The following CHSY3 variants were observed in gnomAD, a reference collection of about 807,000 sequenced individuals.
CHSY3 encodes the protein N-acetylgalactosaminyl-proteoglycan 3-beta-glucuronosyltransferase 3.
Under a neutral mutation model 67.2 loss-of-function variants are expected in CHSY3, and 35 were observed. The ratio of observed to expected loss-of-function variants is 0.52; its 90% CI spans 0.40 to 0.69. The LOEUF is 0.69. Among genes scored for constraint, CHSY3 ranks in the 30% least tolerant of loss-of-function variants. The pLI, the probability that CHSY3 is intolerant of heterozygous loss-of-function variation, is 0.00. For synonymous variants in CHSY3, 474 were observed against 434.7 expected, an observed-to-expected ratio of 1.09 and a Z score of -1.12; for missense variants, 1,069 against 1,138.5, an observed-to-expected ratio of 0.94 and a Z score of 0.88.
chr5:129,953,807 C>T (rs1000657694), intron 2 of CHSY3, among the ~76,000 whole-genome samples: 1 of 152,114 alleles, frequency 6.6e-6, no homozygotes, highest in Admixed American at 6.6e-5. Context: ...ATATCCTTCT[C>T]CCACTTTTTG....
intron 2 of CHSY3, among the ~76,000 whole-genome samples, chr5:130,089,426 C>T (rs1766798814): frequency 6.6e-6 from 1 of 151,552 alleles, no homozygotes; most frequent in South Asian, 2.1e-4. Flanking sequence ...AGTACAGAAA[C>T]TTCATTTTAA....
At chr5:130,182,695 TC>T (rs1325864337) in intron 2 of CHSY3, among the ~76,000 whole-genome samples, 1 of 152,078 alleles carries the variant, frequency 6.6e-6, no homozygotes, top group Non-Finnish European at 1.5e-5. Context: ...TTTACTTTTT[TC>T]CCTTATATGA....
chr5:129,986,139 T>G (rs1372548481), intron 2 of CHSY3, among the ~76,000 whole-genome samples: 1 of 152,196 alleles, frequency 6.6e-6, no homozygotes, highest in Non-Finnish European at 1.5e-5. Context: ...TTTTGCCCAT[T>G]CAGTATGCTG....
rs191116747 is a variant in CHSY3 at position 129,970,371 on chromosome 5, G to A, written c.1086+62011G>A. The stretch of plus-strand genomic sequence containing the variant: ...GGGTAGATGGATGGATGGATGCATG[G>A]GTAAATGGGGTGGACAGAGGAACAG... On this transcript the variant is annotated intron_variant, in intron 2 of 2. Transcript: ENST00000305031. 2.6e-5 allele frequency among the ~76,000 whole-genome samples: 4 copies of A among 150,950 alleles called. No homozygotes were observed. In the Admixed American group the frequency reaches 2.7e-4, roughly 10 times the overall value.
intron 2 of CHSY3, among the ~76,000 whole-genome samples, chr5:129,930,295 C>A (rs1401935009): frequency 1.3e-5 from 2 of 149,828 alleles, no homozygotes; most frequent in Admixed American, 6.7e-5. Context: ...GTCTCGCCAC[C>A]GCACTACAGC....
intron 2 of CHSY3, among the ~76,000 whole-genome samples, chr5:130,121,852 C>A (rs1345059683): frequency 6.6e-6 from 1 of 152,044 alleles, no homozygotes; most frequent in Admixed American, 6.6e-5. Context: ...GAGGATGAGG[C>A]TGGGCATAAT....
chr5:130,128,416 C>T (rs1310127797), intron 2 of CHSY3, among the ~76,000 whole-genome samples: 1 of 151,718 alleles, frequency 6.6e-6, no homozygotes, highest in African/African-American at 2.4e-5. Flanking sequence ...GTGAAATAAG[C>T]CAGACACAAA....
chr5:130,121,993 C>T (rs1443821239), intron 2 of CHSY3, among the ~76,000 whole-genome samples: 1 of 152,050 alleles, frequency 6.6e-6, no homozygotes, highest in Non-Finnish European at 1.5e-5. Context: ...TTATTGAGTG[C>T]TTACTTTGTG....
At chr5:129,998,350 C>G (rs1763611375) in intron 2 of CHSY3, among the ~76,000 whole-genome samples, 1 of 152,138 alleles carries the variant, frequency 6.6e-6, no homozygotes, top group South Asian at 2.1e-4. Context: ...TACTGTTTCA[C>G]TGTAAGGATA....
intron 2 of CHSY3, chr5:130,141,884 G>T (rs1768878471): frequency 8.0e-6 from 2 of 250,032 alleles, no homozygotes; most frequent in South Asian, 4.4e-5. Context: ...ATGCCTGGGG[G>T]ATTCCCTGAT....
intron 2 of CHSY3, among the ~76,000 whole-genome samples, chr5:130,020,284 G>T (rs186160203): frequency 1.4e-4 from 21 of 151,696 alleles, no homozygotes; most frequent in African/African-American, 4.8e-4. Context: ...AGCAGGGTGT[G>T]GTGGCTGGTG....
chr5:130,016,212 T>G (rs1463412004), intron 2 of CHSY3, among the ~76,000 whole-genome samples: 1 of 152,164 alleles, frequency 6.6e-6, no homozygotes, highest in Non-Finnish European at 1.5e-5. Flanking sequence ...AATCTGCATA[T>G]GTATAAAATT....
rs1760160526 is a variant in CHSY3, at chr5:129,904,646, C to T, written c.-184C>T. Reference sequence around the variant, plus strand: ...CAGAGCTGAGCGGGAGCCCGGCAGGCAGCTGCAGCCCGCGGCAGTCGAGGC... The same window carrying T: ...CAGAGCTGAGCGGGAGCCCGGCAGGTAGCTGCAGCCCGCGGCAGTCGAGGC... On this transcript the variant is annotated 5_prime_UTR_variant, in exon 1 of 3. Coordinates refer to ENST00000305031, the MANE Select transcript of CHSY3 (RefSeq NM_175856.5). 2.1e-6 allele frequency: 2 copies of T among 965,306 alleles called. No individual in the cohort carries two copies. The highest frequency in any genetic ancestry group is 2.7e-6 in the Non-Finnish European group (2 of 754,438). 59.8% of individuals were successfully genotyped at this position (965,306 alleles called of 1,614,324 possible).
intron 2 of CHSY3, among the ~76,000 whole-genome samples, chr5:130,055,005 G>C (rs1225170237): frequency 6.6e-6 from 1 of 152,120 alleles, no homozygotes. Flanking sequence ...TGGTCCAAGT[G>C]TATGTATGGA....
intron 2 of CHSY3, among the ~76,000 whole-genome samples, chr5:129,997,904 T>TA (rs1408549768): frequency 6.6e-6 from 1 of 152,240 alleles, no homozygotes; most frequent in Non-Finnish European, 1.5e-5. Context: ...TAATCCAGTC[T>TA]ATCGTTGATG....
At chr5:130,043,253 AT>A (rs1398345717) in intron 2 of CHSY3, among the ~76,000 whole-genome samples, 1 of 151,886 alleles carries the variant, frequency 6.6e-6, no homozygotes, top group East Asian at 1.9e-4. Flanking sequence ...TTTTTAATAG[AT>A]ATTTTATCTT....
At chr5:129,913,681 T>C (rs534629814) in intron 2 of CHSY3, among the ~76,000 whole-genome samples, 2 of 152,328 alleles carry the variant, frequency 1.3e-5, no homozygotes, top group Non-Finnish European at 2.9e-5. Context: ...AGTTTAAGAA[T>C]AGTTTGTATT....
chr5:130,099,778 T>C (rs1024626089), intron 2 of CHSY3, among the ~76,000 whole-genome samples: 1 of 152,188 alleles, frequency 6.6e-6, no homozygotes, highest in African/African-American at 2.4e-5. Context: ...ATTCTCAGGC[T>C]AAAATCATGA....
chr5:130,026,654 G>T (rs1030138456), intron 2 of CHSY3, among the ~76,000 whole-genome samples: 15 of 152,180 alleles, frequency 9.9e-5, no homozygotes, highest in Admixed American at 6.6e-4. Flanking sequence ...AAAATTGTAT[G>T]TAATTGTTTT....
Sources: allele counts gnomAD v4.1 joint callset (sites outside exome capture counted in the v4.1 genomes callset), GRCh38; gene constraint gnomAD v4.1.1; transcripts MANE v1.5; gene names NCBI Gene and HGNC (gene_info 2026-07-23, HGNC 2026-07-21).